The following CCDC13 variants were observed in gnomAD, a reference collection of about 807,000 sequenced individuals.
CCDC13 encodes the protein coiled-coil domain containing 13, also known as coiled-coil domain-containing protein 13.
A neutral mutation model predicts 87.3 loss-of-function variants in CCDC13; 70 were observed. The ratio of observed to expected loss-of-function variants is 0.80; its 90% CI spans 0.66 to 0.98. CCDC13 has a LOEUF of 0.98. Among genes scored for constraint, CCDC13 ranks in the 50% least tolerant of loss-of-function variants. The probability of loss-of-function intolerance (pLI) is 0.00; values close to 1 mark genes in which losing one functional copy is unlikely to be tolerated. For missense variants in CCDC13, 842 were observed against 892.0 expected, an observed-to-expected ratio of 0.94 and a Z score of 0.71; for synonymous variants, 317 against 360.3, an observed-to-expected ratio of 0.88 and a Z score of 1.36.
At chr3:42,723,416 T>A (rs1423382856) in intron 13 of CCDC13, among the ~76,000 whole-genome samples, 1 of 152,194 alleles carries the variant, frequency 6.6e-6, no homozygotes, top group Non-Finnish European at 1.5e-5. Context: ...CCCTTGGCCA[T>A]GTAAGTTAAC....
At chr3:42,771,872 A>G (rs1426473349) in intron 1 of CCDC13, among the ~76,000 whole-genome samples, 2 of 152,240 alleles carry the variant, frequency 1.3e-5, no homozygotes, top group Admixed American at 1.3e-4. Flanking sequence ...CACCAATGCA[A>G]TGTGTAAGAT....
intron 9 of CCDC13, among the ~76,000 whole-genome samples, chr3:42,736,751 C>CG (rs1045160203): frequency 2.0e-5 from 3 of 152,086 alleles, no homozygotes; most frequent in African/African-American, 7.2e-5. Flanking sequence ...CAGCACCCCC[C>CG]AAACACCCCA....
intron 3 of CCDC13, 46 bp downstream of exon 3, chr3:42,757,020 T>A: frequency 6.3e-7 from 1 of 1,585,220 alleles, no homozygotes. Flanking sequence ...CTATCTGAAG[T>A]CCCTGGACTG....
intron 9 of CCDC13, 130 bp from the exon 10 acceptor site, chr3:42,736,043 G>A: frequency 1.2e-6 from 1 of 808,760 alleles, no homozygotes; most frequent in Non-Finnish European, 2.0e-6. Context: ...GTTCCCTCGA[G>A]AGGCAGGAAC....
chr3:42,763,503 C>CTTTT (rs765712843), intron 1 of CCDC13, among the ~76,000 whole-genome samples: 12 of 130,030 alleles, frequency 9.2e-5, no homozygotes, highest in African/African-American at 3.1e-4. Flanking sequence ...AAGAGATGTA[C>CTTTT]TTTTTTTTTT....
At chr3:42,749,412 C>T (rs1160786527) in intron 5 of CCDC13, among the ~76,000 whole-genome samples, 1 of 152,260 alleles carries the variant, frequency 6.6e-6, no homozygotes, top group African/African-American at 2.4e-5. Context: ...ATGCCCTGTC[C>T]AAGCCTCATT....
In CCDC13 at chr3:42,708,826, G is replaced by T; in HGVS notation, c.*154C>A. 1.4e-6 allele frequency: 1 copy of T among 733,598 alleles called. No homozygotes were observed. Among genetic ancestry groups the T allele is most frequent in the Non-Finnish European group, 2.1e-6 (1 of 470,088 alleles). 45.4% of individuals were successfully genotyped at this position (733,598 alleles called of 1,614,324 possible). On this transcript the variant is annotated 3_prime_UTR_variant, in exon 16 of 16. Coordinates refer to ENST00000310232, the MANE Select transcript of CCDC13 (RefSeq NM_144719.4). The stretch of plus-strand genomic sequence containing the variant: ...TCTGCCTTCCTGGCCTGAGACATTG[G>T]TTTTGGTCATCCTTAAGGAGCCTCT...
intron 9 of CCDC13, 74 bp from the exon 10 acceptor site, chr3:42,735,987 C>T (rs1163484491): frequency 7.1e-7 from 1 of 1,404,596 alleles, no homozygotes; most frequent in Non-Finnish European, 9.8e-7. Context: ...AACAGACTGC[C>T]TCCCTCACCC....
At chr3:42,758,469 C>T in intron 1 of CCDC13, 118 bp from the exon 2 acceptor site, 1 of 936,616 alleles carries the variant, frequency 1.1e-6, no homozygotes, top group Non-Finnish European at 1.6e-6. Context: ...GCATGTATGT[C>T]CACGCAGAAG....
At chr3:42,746,981 C>T (rs1007380632) in intron 6 of CCDC13, 11 of 549,256 alleles carry the variant, frequency 2.0e-5, no homozygotes, top group Non-Finnish European at 3.0e-5. Flanking sequence ...ACAGTGCTGT[C>T]CTCCTCAGTC....
intron 2 of CCDC13, 46 bp downstream of exon 2, chr3:42,758,079 A>ACACACACT: frequency 6.6e-7 from 1 of 1,505,396 alleles, no homozygotes; most frequent in Non-Finnish European, 9.2e-7. Flanking sequence ...ACACACACAC[A>ACACACACT]CACACACACA....
intron 8 of CCDC13, 62 bp from the exon 9 acceptor site, chr3:42,739,872 C>T: frequency 6.6e-7 from 1 of 1,507,808 alleles, no homozygotes; most frequent in Admixed American, 1.8e-5. Flanking sequence ...CACATCTGCT[C>T]CCTGGCTCCT....
intron 1 of CCDC13, among the ~76,000 whole-genome samples, chr3:42,769,935 T>C (rs1700024226): frequency 6.6e-6 from 1 of 152,224 alleles, no homozygotes; most frequent in Non-Finnish European, 1.5e-5. Flanking sequence ...CAGCCCGCCA[T>C]GCCTGAGCCT....
At chr3:42,723,349 C>G (rs987916120) in intron 13 of CCDC13, among the ~76,000 whole-genome samples, 3 of 152,154 alleles carry the variant, frequency 2.0e-5, no homozygotes, top group African/African-American at 7.2e-5. Flanking sequence ...CAGAGAGCCT[C>G]CTGTTTGATT....
At chr3:42,751,830 G>C in intron 5 of CCDC13, 106 bp downstream of exon 5, 1 of 972,252 alleles carries the variant, frequency 1.0e-6, no homozygotes, top group South Asian at 1.4e-5. Flanking sequence ...CGGGGTTGGG[G>C]GTTGGGGGTG....
chr3:42,730,618 G>A (rs1430513825), intron 12 of CCDC13, 29 bp from the exon 13 acceptor site: 2 of 1,609,378 alleles, frequency 1.2e-6, no homozygotes, highest in African/African-American at 2.7e-5. Context: ...GCAGAGGGCA[G>A]AGGTCATCCG....
At chr3:42,767,531 T>G (rs1699954596) in intron 1 of CCDC13, among the ~76,000 whole-genome samples, 1 of 152,206 alleles carries the variant, frequency 6.6e-6, no homozygotes, top group Admixed American at 6.5e-5. Flanking sequence ...ATAGATTCAA[T>G]GCAATTGCAA....
At position 42,733,062 on chromosome 3, in the gene CCDC13, G is replaced by T. The variant is rs543354328; in HGVS notation, c.1512-92C>A. 262 of 1,040,610 alleles carry T rather than the reference G, an allele frequency of 2.5e-4. No homozygotes were observed. The African/African-American group carries it at 3.4e-3, about 14-fold the overall frequency. The allele number at this position is 1,040,610 out of a possible 1,614,324, so 64.5% of individuals were successfully genotyped here. On this transcript the variant is annotated intron_variant, in intron 11 of 15. Coordinates refer to ENST00000310232, the MANE Select transcript of CCDC13 (RefSeq NM_144719.4). The stretch of plus-strand genomic sequence containing the variant: ...TGCATGTGAGGTGGAGCAGTGGCCA[G>T]CAGGGGTCCAGGAAACCCTTGCAGC...
At chr3:42,751,861 A>G in intron 5 of CCDC13, 75 bp downstream of exon 5, 1 of 1,342,674 alleles carries the variant, frequency 7.4e-7, no homozygotes, top group African/African-American at 1.4e-5. Flanking sequence ...AGAGGTACCT[A>G]CACACCTGTG....
Sources: gnomAD v4.1 joint callset for allele counts (sites outside exome capture counted in the v4.1 genomes callset) on GRCh38, gnomAD v4.1.1 for gene constraint, MANE v1.5 for transcripts, NCBI Gene and HGNC (gene_info 2026-07-23, HGNC 2026-07-21) for gene names.